The following TRIM66 variants were observed in gnomAD, a reference collection of about 807,000 sequenced individuals.
TRIM66 encodes the protein tripartite motif containing 66, also known as tripartite motif-containing protein 66.
A neutral mutation model predicts 148.2 loss-of-function variants in TRIM66; 99 were observed. That is an observed-to-expected ratio of 0.67 (90% CI 0.57 to 0.79). The LOEUF (loss-of-function observed/expected upper bound fraction) is 0.79, where lower values mean the gene tolerates loss of function less well. Ranked by LOEUF, TRIM66 falls within the 30% of genes least tolerant of loss-of-function variation. TRIM66 has a pLI of 0.00. For synonymous variants in TRIM66, 616 were observed against 635.9 expected (o/e 0.97, Z 0.47); for missense variants, 1,666 against 1,697.9 (o/e 0.98, Z 0.33).
chr11:8,644,056 A>G (rs999031793), intron 12 of TRIM66, among the ~76,000 whole-genome samples: 1 of 152,138 alleles, frequency 6.6e-6, no homozygotes, highest in Non-Finnish European at 1.5e-5. Flanking sequence ...CATTCTACCT[A>G]TGAGACCTTT....
intron 4 of TRIM66, among the ~76,000 whole-genome samples, chr11:8,673,737 A>G (rs577192857): frequency 4.7e-4 from 71 of 152,390 alleles, no homozygotes; most frequent in Non-Finnish European, 8.8e-5. Flanking sequence ...TGTAAACTAT[A>G]TTCAGTTTTA....
intron 1 of TRIM66, among the ~76,000 whole-genome samples, chr11:8,682,097 T>C (rs1344290205): frequency 6.6e-6 from 1 of 152,146 alleles, no homozygotes; most frequent in Non-Finnish European, 1.5e-5. Flanking sequence ...TTACAACATC[T>C]GCATTAAAAG....
chr11:8,624,255 T>A, intron 17 of TRIM66, 104 bp downstream of exon 17: 1 of 1,301,124 alleles, frequency 7.7e-7, no homozygotes. Flanking sequence ...GATGCACTGC[T>A]TCCCCAGCTT....
intron 15 of TRIM66, among the ~76,000 whole-genome samples, chr11:8,630,980 T>A (rs1000636858): frequency 6.6e-6 from 1 of 152,184 alleles, no homozygotes; most frequent in African/African-American, 2.4e-5. Context: ...CTCTCCTCAC[T>A]CTTACCACCC....
intron 6 of TRIM66, 78 bp downstream of exon 6, chr11:8,671,708 C>T (rs538012319): frequency 1.4e-6 from 1 of 699,898 alleles, no homozygotes; most frequent in Non-Finnish European, 2.5e-6. Flanking sequence ...TCTTTCTACA[C>T]CCAAAATTCA....
chr11:8,619,638 G>C (rs2034008436), intron 22 of TRIM66, 103 bp from the exon 23 acceptor site: 1 of 1,145,222 alleles, frequency 8.7e-7, no homozygotes, highest in Admixed American at 3.1e-5. Context: ...TGAAATATAA[G>C]TGAAAGAATA....
chr11:8,642,900 G>T, intron 13 of TRIM66, 109 bp downstream of exon 13: 5 of 427,374 alleles, frequency 1.2e-5, no homozygotes, highest in Non-Finnish European at 2.0e-5. Flanking sequence ...ACCACTGGCA[G>T]TCCCAGAGAG....
At chr11:8,658,726 C>A in intron 6 of TRIM66, 2 of 978,892 alleles carry the variant, frequency 2.0e-6, no homozygotes, top group South Asian at 9.5e-5. Flanking sequence ...ATGCCAGGCA[C>A]ACACTCTCAC....
In TRIM66 at chr11:8,640,579, T is replaced by C; in HGVS notation, c.1796A>G (p.Gln599Arg). The C allele has an allele frequency of 6.4e-7, 1 of 1,550,768 alleles. No individual in the cohort carries two copies. The highest frequency in any genetic ancestry group is 8.7e-7 in the Non-Finnish European group (1 of 1,146,784). ...LKLSHFQQQPQQQLPPPPPPL... is the reference protein window; with the variant it reads ...LKLSHFQQQPRQQLPPPPPPL... ...TGGTGGTGGAGGTGGTAGCTGCTGC[T>C]GTGGCTGCTGCTGAAAGTGACTGAG... Residue 599 changes from glutamine to arginine, a missense_variant, in exon 14 of 25, where the codon CAG (glutamine) becomes CGG (arginine). By Grantham distance (43) the Gln-to-Arg change is conservative (BLOSUM62 1). Transcript: ENST00000646038.
Position 8,638,649 on chromosome 11 carries a change from A to G in TRIM66, c.2310+5T>C. 1 of 1,547,084 alleles carries G rather than the reference A, an allele frequency of 6.5e-7. No individual in the cohort carries two copies. Among genetic ancestry groups the G allele is most frequent in the Non-Finnish European group, 8.7e-7 (1 of 1,145,696 alleles). ...GTAGTTAGGGAAAACAGGCTCCTTC[A>G]GTACCTTTCTCACCACATTTGGAGA... On this transcript the variant is annotated splice_donor_5th_base_variant and intron_variant, in intron 15 of 24. Coordinates refer to ENST00000646038, the MANE Select transcript of TRIM66 (RefSeq NM_001388022.1).
chr11:8,632,939 A>G (rs189855158), intron 15 of TRIM66, among the ~76,000 whole-genome samples: 1 of 152,324 alleles, frequency 6.6e-6, no homozygotes, highest in East Asian at 1.9e-4. Flanking sequence ...GGAGAAGTGA[A>G]AAGTGCCCAG....
Position 8,648,399 on chromosome 11 carries a change from C to G in TRIM66, c.725+17G>C. 3 of 1,550,420 alleles carry G rather than the reference C, an allele frequency of 1.9e-6. No homozygotes were observed. The highest frequency in any genetic ancestry group is 2.6e-6 in the Non-Finnish European group (3 of 1,146,582). ...AGAGCCCTCCCCAGCCCATTTCAGG[C>G]AGTCTGTCAGCCCCACCTGTGTTCT... On this transcript the variant is annotated intron_variant, in intron 9 of 24. Coordinates refer to ENST00000646038, the MANE Select transcript of TRIM66 (RefSeq NM_001388022.1).
In TRIM66 at chr11:8,625,152, G is replaced by GGCCT; in HGVS notation, c.2383_2386dup (p.Pro796GlnfsTer60). 1 of 1,548,418 alleles carries GGCCT rather than the reference G, an allele frequency of 6.5e-7. No individual in the cohort carries two copies. The highest frequency in any genetic ancestry group is 8.7e-7 in the Non-Finnish European group (1 of 1,144,820). On this transcript the variant is annotated frameshift_variant, in exon 16 of 25. Transcript: ENST00000646038. LOFTEE classifies it high-confidence loss of function. ...CACACTCTGGATCTGTGGCTCTAGG[G>GGCCT]GCCTCTCCAACCTGGTAGATGACAA...
At chr11:8,682,717 G>A, upstream of TRIM66, 1 of 1,486,960 alleles carries the variant, frequency 6.7e-7, no homozygotes, top group Non-Finnish European at 9.4e-7. Context: ...CCGAAGCCCG[G>A]CCTCTGTGAC....
At chr11:8,652,920 T>C (rs770970925) in intron 6 of TRIM66, among the ~76,000 whole-genome samples, 1 of 152,234 alleles carries the variant, frequency 6.6e-6, no homozygotes, top group Non-Finnish European at 1.5e-5. Flanking sequence ...CCAATGACCT[T>C]GGGCAAAACA....
rs2034185855 is a variant in TRIM66, at chr11:8,621,266, T to C, written c.3311A>G (p.Lys1104Arg). The change falls in exon 20 of 25, where the codon AAG (lysine) becomes AGG (arginine). Residue 1104 changes from lysine to arginine, a missense_variant. Physicochemically the swap from Lys to Arg is conservative, Grantham distance 26. Around this residue, in one of 3 missense-constraint regions of TRIM66, gnomAD observed 1,431 missense variants for 1,412.4 expected, o/e 1.01. Coordinates refer to ENST00000646038, the MANE Select transcript of TRIM66 (RefSeq NM_001388022.1). ...ATQAPGLEGRKVTVTSLAGQR... is the reference protein window; with the variant it reads ...ATQAPGLEGRRVTVTSLAGQR... Reference sequence around the variant, plus strand: ...CCCAGCCAAAGAAGTGACAGTGACCTTTCTTCCCTCCAGACCTGGGGCCTG... The same window carrying C: ...CCCAGCCAAAGAAGTGACAGTGACCCTTCTTCCCTCCAGACCTGGGGCCTG... 1 of 1,551,656 alleles carries C rather than the reference T, an allele frequency of 6.4e-7. No homozygotes were observed. The highest frequency in any genetic ancestry group is 8.7e-7 in the Non-Finnish European group (1 of 1,146,986).
chr11:8,620,719 AT>A, intron 20 of TRIM66, 147 bp from the exon 21 acceptor site: 1 of 1,361,418 alleles, frequency 7.3e-7, no homozygotes, highest in South Asian at 1.5e-5. Context: ...CTTGGAAGAA[AT>A]TCAATAACTC....
chr11:8,672,282 G>A lies in TRIM66; in HGVS notation c.-8C>T, dbSNP rs781268518. The A allele has an allele frequency of 4.2e-5, 64 of 1,535,998 alleles. No homozygotes were observed. In the South Asian group the frequency reaches 4.3e-4, roughly 10 times the overall value. On this transcript the variant is annotated 5_prime_UTR_variant, in exon 5 of 25. The change creates a new upstream start codon in the 5' untranslated region. Coordinates refer to ENST00000646038, the MANE Select transcript of TRIM66 (RefSeq NM_001388022.1). ...AAAAGAGAGTCTAGCCATCTCTGCC[G>A]TGGAAAACAAAGCGTGGAGGTGTCT...
At position 8,638,778 on chromosome 11, in the gene TRIM66, G is replaced by A. The variant is rs371456414; in HGVS notation, c.2186C>T (p.Pro729Leu). The change falls in exon 15 of 25, where the codon CCG (proline) becomes CTG (leucine). Residue 729 changes from proline to leucine, a missense_variant. Physicochemically the swap from Pro to Leu is moderately conservative, Grantham distance 98. Coordinates refer to ENST00000646038, the MANE Select transcript of TRIM66 (RefSeq NM_001388022.1). ...AGTATTCTTGTCAAGAGGGAGAGCC[G>A]GCTTTGAGCCCTGAGATGCTGGGGG... ...DEPPASQGSK[P>L]ALPLDKNTAA... is the part of the protein sequence containing the mutation. The A allele has an allele frequency of 3.9e-5, 61 of 1,551,284 alleles. No individual in the cohort carries two copies. Among genetic ancestry groups the A allele is most frequent in the Middle Eastern group, 1.7e-4 (1 of 5,986 alleles).
Sources: gnomAD v4.1 joint callset for allele counts (sites outside exome capture counted in the v4.1 genomes callset) on GRCh38, gnomAD v4.1.1 for gene constraint, gnomAD v4.1.1 regional missense constraint, MANE v1.5 for transcripts, NCBI Gene and HGNC (gene_info 2026-07-23, HGNC 2026-07-21) for gene names.